Variants in DIDO1 observed in about 807,000 individuals in gnomAD.
The protein encoded by DIDO1 is death-inducer obliterator 1.
In DIDO1, 16 loss-of-function variants were observed where a neutral mutation model predicts 99.4. The ratio of observed to expected loss-of-function variants is 0.16; its 90% CI spans 0.11 to 0.24. DIDO1 has a LOEUF of 0.24. DIDO1 is among the 10% of genes least tolerant of loss of function. The probability of loss-of-function intolerance (pLI) is 1.00; values close to 1 mark genes in which losing one functional copy is unlikely to be tolerated. For missense variants in DIDO1, 2,996 were observed against 3,014.0 expected, an observed-to-expected ratio of 0.99 and a Z score of 0.14; for synonymous variants, 1,366 against 1,239.1, an observed-to-expected ratio of 1.10 and a Z score of -2.15.
At chr20:62,889,604 C>T (rs1406308826) in intron 15 of DIDO1, 4 of 985,384 alleles carry the variant, frequency 4.1e-6, no homozygotes, top group Middle Eastern at 5.2e-4. Flanking sequence ...TTCACAGGTG[C>T]GGAGAGGCCA....
chr20:62,884,848 T>C (rs149957457), intron 15 of DIDO1, among the ~76,000 whole-genome samples: 60 of 151,956 alleles, frequency 3.9e-4, no homozygotes, highest in African/African-American at 1.4e-3. Context: ...ACGGTGCCAG[T>C]GAAAGGGCTG....
chr20:62,896,632 T>C lies in DIDO1; in HGVS notation c.1953A>G (p.Pro651=), dbSNP rs1306537168. The C allele has an allele frequency of 6.2e-7, 1 of 1,613,852 alleles. No homozygotes were observed. The highest frequency in any genetic ancestry group is 8.5e-7 in the Non-Finnish European group (1 of 1,179,868). The change falls in exon 7 of 16, where the codon CCA becomes CCG. Residue 651 remains proline (P), a synonymous_variant. Transcript: ENST00000395343. The surrounding 1 kb of genome is among the most constrained non-coding windows in gnomAD (Gnocchi z 4.4). ...PVVPSVPMAS[P]APGRLGAMSA... ...TCATAGCCCCAAGGCGTCCTGGGGC[T>C]GGCGAGGCCATTGGAACAGAAGGTA...
At chr20:62,930,391 G>T (rs754388747), upstream of DIDO1, among the ~76,000 whole-genome samples, 39 of 152,202 alleles carry the variant, frequency 2.6e-4, no homozygotes, top group Non-Finnish European at 4.7e-4. Flanking sequence ...GGACGATAGT[G>T]GGTAACATAA....
At chr20:62,898,698 C>A (rs1373894241) in intron 6 of DIDO1, among the ~76,000 whole-genome samples, 2 of 152,236 alleles carry the variant, frequency 1.3e-5, no homozygotes, top group Admixed American at 6.5e-5. Context: ...TCCTCACCCA[C>A]AACCGCACCC....
intron 1 of DIDO1, among the ~76,000 whole-genome samples, chr20:62,914,865 T>G (rs1347778263): frequency 3.3e-5 from 5 of 152,232 alleles, no homozygotes; most frequent in Non-Finnish European, 7.3e-5. Context: ...TAATAATGTA[T>G]CTGAATTATT....
chr20:62,922,555 C>A (rs987555440), intron 1 of DIDO1, among the ~76,000 whole-genome samples: 2 of 152,072 alleles, frequency 1.3e-5, no homozygotes, highest in Non-Finnish European at 2.9e-5. Flanking sequence ...AACGCGGGGG[C>A]CACAGGGTAT....
rs765738795 is a variant in DIDO1, at chr20:62,880,015, G to C, written c.5941C>G (p.Gln1981Glu). ...RVHSPPRFTN[Q>E]RAPAPLQFGG... ...AACTGCAGGGGTGCAGGCGCCCTTTGGTTTGTGAATCTTGGTGGTGAATGG... is the reference window on the plus strand; with the variant it reads ...AACTGCAGGGGTGCAGGCGCCCTTTCGTTTGTGAATCTTGGTGGTGAATGG... Residue 1981 changes from glutamine (Q) to glutamate (E), a missense_variant, in exon 16 of 16, where the codon CAA becomes GAA. Coordinates refer to ENST00000395343, the MANE Select transcript of DIDO1 (RefSeq NM_001193369.2). The C allele has an allele frequency of 3.1e-6, 5 of 1,611,800 alleles. No homozygotes were observed. Among genetic ancestry groups the C allele is most frequent in the South Asian group, 1.1e-5 (1 of 91,064 alleles).
rs181564061 is a variant in DIDO1, at chr20:62,903,096, G to A, written c.1588+2791C>T. Among the ~76,000 whole-genome samples, 6 of 152,316 alleles carry A rather than the reference G, an allele frequency of 3.9e-5. No individual in the cohort carries two copies. The East Asian group carries it at 1.2e-3, about 29-fold the overall frequency. On this transcript the variant is annotated intron_variant, in intron 6 of 15. Transcript: ENST00000395343. Reference sequence around the variant, plus strand: ...TATAAAACCACAAAAGAAACATCATGATCTTTGAGAGAAGTTATGTGCACC... The same window carrying A: ...TATAAAACCACAAAAGAAACATCATAATCTTTGAGAGAAGTTATGTGCACC...
chr20:62,893,669 A>T lies in DIDO1; in HGVS notation c.3098T>A (p.Ile1033Asn). The part of the protein sequence containing the change: ...RYLSVPPSPN[I>N]STSESRSPPE... ...AGACCACACCTGAAGTACGCACCTG[A>T]TATTTGGTGACGGAGGAACTGACAG... The change falls in exon 12 of 16, where the codon ATC becomes AAC. Residue 1033 changes from isoleucine (I) to asparagine (N), a missense_variant. Around this residue, in one of 5 missense-constraint regions of DIDO1, gnomAD observed 898 missense variants for 972.7 expected, o/e 0.92. Transcript: ENST00000395343. 4 of 1,597,812 alleles carry T rather than the reference A, an allele frequency of 2.5e-6. No homozygotes were observed. Among genetic ancestry groups the T allele is most frequent in the Non-Finnish European group, 3.4e-6 (4 of 1,166,924 alleles).
chr20:62,887,498 TAC>T (rs1450903798), intron 15 of DIDO1: 2 of 985,374 alleles, frequency 2.0e-6, no homozygotes, highest in African/African-American at 1.7e-5. Context: ...TTCGAGCAGC[TAC>T]AGAGGGCGGT....
chr20:62,897,766 C>T (rs2064569765), intron 6 of DIDO1, among the ~76,000 whole-genome samples: 1 of 152,244 alleles, frequency 6.6e-6, no homozygotes, highest in African/African-American at 2.4e-5. Context: ...CTTATAACCC[C>T]ATGTGAGATC....
intron 1 of DIDO1, among the ~76,000 whole-genome samples, chr20:62,933,199 G>C (rs768210867): frequency 1.1e-4 from 17 of 152,014 alleles, no homozygotes; most frequent in Non-Finnish European, 2.1e-4. Flanking sequence ...CAACAAGAGT[G>C]AAATTCTGTC....
At chr20:62,889,081 G>A (rs1483946858) in intron 15 of DIDO1, 1 of 985,432 alleles carries the variant, frequency 1.0e-6, no homozygotes, top group African/African-American at 1.7e-5. Context: ...GTGGGCGAGT[G>A]TGACGTTCCC....
chr20:62,909,601 G>A, intron 4 of DIDO1, 98 bp downstream of exon 4: 1 of 1,459,564 alleles, frequency 6.9e-7, no homozygotes, highest in South Asian at 1.3e-5. Context: ...CGCCCCACAT[G>A]GGTGCAGCAC....
In DIDO1 at chr20:62,880,289, G is replaced by A. The variant is rs149404538; in HGVS notation, c.5667C>T (p.Phe1889=). 6.8e-5 allele frequency: 109 copies of A among 1,612,720 alleles called. No individual in the cohort carries two copies. Among genetic ancestry groups the A allele is most frequent in the Non-Finnish European group, 8.7e-5 (103 of 1,179,950 alleles). Residue 1889 remains phenylalanine (F), a synonymous_variant, in exon 16 of 16, where the codon TTC becomes TTT. Coordinates refer to ENST00000395343, the MANE Select transcript of DIDO1 (RefSeq NM_001193369.2). ...LGSRGGAPFQ[F]GGQRRPLLSQ... is the part of the protein sequence containing the mutation. ...ACAGCAGTGGCCTTCTCTGGCCTCC[G>A]AACTGGAAAGGCGCGCCGCCTCTGC...
intron 15 of DIDO1, chr20:62,889,549 G>T (rs920768280): frequency 5.1e-6 from 5 of 985,372 alleles, no homozygotes; most frequent in African/African-American, 1.7e-5. Context: ...TGCAGTGTCT[G>T]CACTGAGTGC....
At position 62,911,024 on chromosome 20, in the gene DIDO1, G is replaced by C. The variant is rs764179631; in HGVS notation, c.589C>G (p.Pro197Ala). The C allele has an allele frequency of 1.2e-6, 2 of 1,613,858 alleles. No individual in the cohort carries two copies. The highest frequency in any genetic ancestry group is 1.7e-6 in the Non-Finnish European group (2 of 1,180,016). ...RLRKKRREEG[P>A]AETVGSEASD... ...GCCTCGGAGCCCACAGTCTCGGCGG[G>C]ACCCTCCTCCCGGCGCTTCTTCCGC... The change falls in exon 3 of 16, where the codon CCC becomes GCC. Residue 197 changes from proline (P) to alanine (A), a missense_variant. By Grantham distance (27) the Pro-to-Ala change is conservative. Transcript: ENST00000395343. The surrounding 1 kb of genome is among the most constrained non-coding windows in gnomAD (Gnocchi z 7.0).
intron 15 of DIDO1, among the ~76,000 whole-genome samples, chr20:62,882,879 T>C (rs988215689): frequency 5.4e-5 from 8 of 149,188 alleles, no homozygotes; most frequent in Non-Finnish European, 8.9e-5. Flanking sequence ...ATGCTCTTCT[T>C]CCCCTCGTGC....
chr20:62,921,764 A>G (rs1187715278), intron 1 of DIDO1, among the ~76,000 whole-genome samples: 4 of 151,404 alleles, frequency 2.6e-5, no homozygotes, highest in Admixed American at 6.6e-5. Flanking sequence ...CCTCCTGAGT[A>G]ACTGGGACTA....
Sources: allele counts gnomAD v4.1 joint callset (sites outside exome capture counted in the v4.1 genomes callset), GRCh38; gene constraint gnomAD v4.1.1; regional missense constraint gnomAD v4.1.1; non-coding constraint Gnocchi (gnomAD v3.1); transcripts MANE v1.5; gene names NCBI Gene and HGNC (gene_info 2026-07-23, HGNC 2026-07-21).